The following SYNE2 variants were observed in gnomAD, a reference collection of about 807,000 sequenced individuals.
The protein encoded by SYNE2 is spectrin repeat containing nuclear envelope protein 2.
In SYNE2, 431 loss-of-function variants were observed where a neutral mutation model predicts 856.3. The observed-to-expected ratio is 0.50, with a 90% CI of 0.47 to 0.55. The LOEUF is 0.55. Ranked by LOEUF, SYNE2 falls within the 20% of genes least tolerant of loss-of-function variation. The probability of loss-of-function intolerance (pLI) is 0.00; values close to 1 mark genes in which losing one functional copy is unlikely to be tolerated. For synonymous variants in SYNE2, 2,923 were observed against 2,872.3 expected, an observed-to-expected ratio of 1.02 and a Z score of -0.56; for missense variants, 8,129 against 8,023.2, an observed-to-expected ratio of 1.01 and a Z score of -0.50.
intron 11 of SYNE2, among the ~76,000 whole-genome samples, chr14:63,972,774 A>G (rs1399323015): frequency 6.6e-6 from 1 of 152,152 alleles, no homozygotes; most frequent in African/African-American, 2.4e-5. Flanking sequence ...GTCGGAAAAA[A>G]CAGGTTTGGT....
At chr14:64,133,376 C>A (rs555681972) in intron 77 of SYNE2, among the ~76,000 whole-genome samples, 6 of 152,064 alleles carry the variant, frequency 3.9e-5, no homozygotes, top group Admixed American at 2.0e-4. Flanking sequence ...TCTATAAAAG[C>A]CAAGTGAGCC....
At chr14:64,190,856 C>T (rs2098515016) in intron 99 of SYNE2, 2 of 692,260 alleles carry the variant, frequency 2.9e-6, no homozygotes, top group Non-Finnish European at 2.7e-6. Context: ...TTTTATCTCT[C>T]CTCCCAAAAT....
intron 11 of SYNE2, among the ~76,000 whole-genome samples, chr14:63,971,076 A>G (rs575703615): frequency 6.6e-6 from 1 of 150,874 alleles, no homozygotes; most frequent in African/African-American, 2.4e-5. Flanking sequence ...TAGGGATTAT[A>G]ATATACATTA....
intron 2 of SYNE2, among the ~76,000 whole-genome samples, chr14:63,928,665 G>T (rs1566823682): frequency 1.3e-5 from 2 of 151,782 alleles, no homozygotes; most frequent in African/African-American, 4.8e-5. Context: ...TCCTTAATTT[G>T]TTTCTTTATT....
intron 44 of SYNE2, among the ~76,000 whole-genome samples, chr14:64,030,522 C>A (rs958661254): frequency 1.3e-5 from 2 of 152,122 alleles, no homozygotes; most frequent in Non-Finnish European, 2.9e-5. Context: ...TAAAATTAGT[C>A]ATATTTGTTT....
chr14:64,079,654 T>C (rs2097502419), intron 55 of SYNE2, among the ~76,000 whole-genome samples: 1 of 152,204 alleles, frequency 6.6e-6, no homozygotes, highest in Non-Finnish European at 1.5e-5. Context: ...TCCTAATACA[T>C]GTTTCTAGAG....
At chr14:64,106,641 T>C (rs776169898) in intron 64 of SYNE2, among the ~76,000 whole-genome samples, 12 of 152,106 alleles carry the variant, frequency 7.9e-5, no homozygotes, top group Non-Finnish European at 1.5e-4. Context: ...AGAGCGAGAC[T>C]CCGTCTCAAA....
At chr14:64,090,105 A>T (rs1243271164) in intron 59 of SYNE2, among the ~76,000 whole-genome samples, 1 of 152,208 alleles carries the variant, frequency 6.6e-6, no homozygotes, top group Non-Finnish European at 1.5e-5. Context: ...GAGCTGGGAC[A>T]TGACTAAACA....
intron 48 of SYNE2, 30 bp from the exon 49 acceptor site, chr14:64,055,914 T>G: frequency 6.3e-7 from 1 of 1,590,818 alleles, no homozygotes; most frequent in East Asian, 2.2e-5. Context: ...TTGACAATTT[T>G]GTCACAGCAT....
At chr14:64,021,725 C>G in intron 36 of SYNE2, 132 bp from the exon 37 acceptor site, 1 of 1,070,368 alleles carries the variant, frequency 9.3e-7, no homozygotes, top group South Asian at 1.4e-5. Context: ...CATACATTTA[C>G]TAGCAAAGAG....
At chr14:64,187,551 AAACAC>A (rs1216289798) in intron 97 of SYNE2, among the ~76,000 whole-genome samples, 1 of 152,212 alleles carries the variant, frequency 6.6e-6, no homozygotes, top group African/African-American at 2.4e-5. Context: ...CGAGGAATGG[AAACAC>A]AACACTTGTT....
At chr14:63,770,221 C>A (rs779205821) in intron 1 of SYNE2, among the ~76,000 whole-genome samples, 10 of 151,896 alleles carry the variant, frequency 6.6e-5, no homozygotes, top group Non-Finnish European at 1.2e-4. Context: ...TAATGAAATA[C>A]CGGGGGAAAG....
At chr14:64,139,710 G>T (rs1431197224) in intron 79 of SYNE2, among the ~76,000 whole-genome samples, 1 of 152,074 alleles carries the variant, frequency 6.6e-6, no homozygotes, top group Non-Finnish European at 1.5e-5. Context: ...ACCACATCTG[G>T]CCTAAAATCC....
intron 1 of SYNE2, among the ~76,000 whole-genome samples, chr14:63,807,341 C>CAAAA (rs574264237): frequency 1.2e-5 from 1 of 86,668 alleles, no homozygotes; most frequent in African/African-American, 3.9e-5. Context: ...GACCCTGTCT[C>CAAAA]AAAAAAAAAA....
chr14:63,936,050 T>C (rs12895526), intron 2 of SYNE2, among the ~76,000 whole-genome samples: 1 of 152,018 alleles, frequency 6.6e-6, no homozygotes, highest in African/African-American at 2.4e-5. Context: ...AATTTTTGTA[T>C]TTTTAATAGA....
intron 1 of SYNE2, among the ~76,000 whole-genome samples, chr14:63,816,725 T>C (rs1889008439): frequency 1.3e-5 from 2 of 151,992 alleles, no homozygotes; most frequent in South Asian, 4.2e-4. Flanking sequence ...AATTTTAATT[T>C]TAATTTTTAG....
intron 83 of SYNE2, among the ~76,000 whole-genome samples, chr14:64,145,146 C>T (rs1412416204): frequency 1.3e-5 from 2 of 151,720 alleles, no homozygotes; most frequent in African/African-American, 2.4e-5. Context: ...AGGATGGTCT[C>T]GAACTCCTGA....
chr14:63,885,094 G>T (rs1240388664), intron 1 of SYNE2, among the ~76,000 whole-genome samples: 1 of 152,150 alleles, frequency 6.6e-6, no homozygotes, highest in African/African-American at 2.4e-5. Flanking sequence ...CTCAGCTGCA[G>T]TGAACCACCT....
intron 96 of SYNE2, among the ~76,000 whole-genome samples, chr14:64,179,586 AT>A (rs764816459): frequency 9.9e-5 from 15 of 151,826 alleles, no homozygotes; most frequent in East Asian, 3.9e-4. Context: ...GTATTGTCAG[AT>A]TTTTTTTTAA....
Sources: allele counts gnomAD v4.1 joint callset (sites outside exome capture counted in the v4.1 genomes callset), GRCh38; gene constraint gnomAD v4.1.1; transcripts MANE v1.5; gene names NCBI Gene and HGNC (gene_info 2026-07-23, HGNC 2026-07-21).